MNAT1: variants seen among roughly 807,000 people sequenced by gnomAD.
MNAT1 encodes the protein MNAT1 component of CDK activating kinase.
A neutral mutation model predicts 42.0 loss-of-function variants in MNAT1; 43 were observed. The ratio of observed to expected loss-of-function variants is 1.02; its 90% CI spans 0.80 to 1.32. The LOEUF (loss-of-function observed/expected upper bound fraction) is 1.32. Among genes scored for constraint, MNAT1 ranks in the 40% most tolerant of loss-of-function variants. The pLI is 0.00. For synonymous variants in MNAT1, 118 were observed against 120.0 expected, an observed-to-expected ratio of 0.98 and a Z score of 0.11; for missense variants, 306 against 350.4, an observed-to-expected ratio of 0.87 and a Z score of 1.01.
At chr14:60,776,941 G>A (rs541502878) in intron 1 of MNAT1, among the ~76,000 whole-genome samples, 1,160 of 31,468 alleles carry the variant, frequency 0.037, 9 homozygotes, top group African/African-American at 0.055. Flanking sequence ...TTGACTTCCC[G>A]GGCTCAGGTG....
intron 1 of MNAT1, among the ~76,000 whole-genome samples, chr14:60,749,986 C>A (rs1468338169): frequency 6.6e-6 from 1 of 152,126 alleles, no homozygotes; most frequent in Admixed American, 6.6e-5. Context: ...CCAAAACTTA[C>A]CTCATCCTAA....
intron 6 of MNAT1, among the ~76,000 whole-genome samples, chr14:60,875,614 T>G (rs2034420689): frequency 6.6e-6 from 1 of 152,110 alleles, no homozygotes; most frequent in African/African-American, 2.4e-5. Context: ...TACAAAACCC[T>G]TTAGCATAGT....
intron 1 of MNAT1, chr14:60,779,838 G>T: frequency 1.6e-6 from 1 of 610,496 alleles, no homozygotes. Flanking sequence ...CTGCTAGAGT[G>T]AACTTACTCT....
chr14:60,841,059 T>G (rs967586093), intron 6 of MNAT1, among the ~76,000 whole-genome samples: 7 of 152,164 alleles, frequency 4.6e-5, no homozygotes, highest in African/African-American at 7.2e-5. Flanking sequence ...AGGCAGAATG[T>G]TTTGTAAATG....
At position 60,968,404 on chromosome 14, in the gene MNAT1, C is replaced by A; in HGVS notation, c.*55C>A. The A allele has an allele frequency of 6.3e-7, 1 of 1,583,600 alleles. No homozygotes were observed. The highest frequency in any genetic ancestry group is 8.6e-7 in the Non-Finnish European group (1 of 1,167,858). ...AACCAGGGAGCTAGCAAAAGTAAAGCAGACTTATAAAATTATAGCTATGTG... is the reference window on the plus strand; with the variant it reads ...AACCAGGGAGCTAGCAAAAGTAAAGAAGACTTATAAAATTATAGCTATGTG... On this transcript the variant is annotated 3_prime_UTR_variant, in exon 8 of 8. Transcript: ENST00000261245.
At chr14:60,854,250 C>G (rs1053614522) in intron 6 of MNAT1, among the ~76,000 whole-genome samples, 1 of 152,124 alleles carries the variant, frequency 6.6e-6, no homozygotes, top group East Asian at 1.9e-4. Flanking sequence ...AGAACGTGCT[C>G]CTTTAGCTCA....
intron 7 of MNAT1, among the ~76,000 whole-genome samples, chr14:60,947,177 G>C (rs1266453780): frequency 1.3e-5 from 2 of 152,092 alleles, no homozygotes; most frequent in Middle Eastern, 3.2e-3. Flanking sequence ...ATCGTTTTCA[G>C]ACTTTTTAAA....
intron 1 of MNAT1, among the ~76,000 whole-genome samples, chr14:60,776,156 G>A (rs915146268): frequency 1.3e-5 from 2 of 152,168 alleles, no homozygotes; most frequent in Non-Finnish European, 2.9e-5. Context: ...ATGCTGTAAT[G>A]TATGCTTGTG....
intron 6 of MNAT1, among the ~76,000 whole-genome samples, chr14:60,877,629 G>A (rs566006367): frequency 3.3e-4 from 50 of 152,086 alleles, no homozygotes; most frequent in Non-Finnish European, 6.0e-4. Context: ...ATGAAATAGA[G>A]AAATTGATAG....
At chr14:60,848,614 T>A (rs939410854) in intron 6 of MNAT1, among the ~76,000 whole-genome samples, 1 of 152,158 alleles carries the variant, frequency 6.6e-6, no homozygotes, top group Non-Finnish European at 1.5e-5. Flanking sequence ...TTTTTTTGTT[T>A]TACTTCATGT....
intron 7 of MNAT1, among the ~76,000 whole-genome samples, chr14:60,940,025 G>A (rs2036106574): frequency 6.6e-6 from 1 of 152,138 alleles, no homozygotes; most frequent in Non-Finnish European, 1.5e-5. Context: ...TTGGTTTAAA[G>A]TCTGTTTTAT....
rs1471639442 is a variant in MNAT1 at position 60,734,841 on chromosome 14, A to T, written c.-22A>T. 1 of 1,612,446 alleles carries T rather than the reference A, an allele frequency of 6.2e-7. No individual in the cohort carries two copies. The highest frequency in any genetic ancestry group is 2.2e-5 in the East Asian group (1 of 44,862). The stretch of plus-strand genomic sequence containing the variant: ...TCTGGCTGAAACAGGCGCCTGCGAG[A>T]GTCTGTAGGAGGGAAACCGCCATGG... On this transcript the variant is annotated 5_prime_UTR_variant, in exon 1 of 8. Coordinates refer to ENST00000261245, the MANE Select transcript of MNAT1 (RefSeq NM_002431.4). This position sits in a 1 kb window ranked among gnomAD's most constrained non-coding sequence, Gnocchi z 4.3.
At chr14:60,894,933 A>G (rs921177809) in intron 7 of MNAT1, among the ~76,000 whole-genome samples, 2 of 152,222 alleles carry the variant, frequency 1.3e-5, no homozygotes, top group Non-Finnish European at 2.9e-5. Flanking sequence ...TAAATAGTGA[A>G]GGAATTTAGA....
In MNAT1 at chr14:60,740,168, T is replaced by C. The variant is rs1175676988; in HGVS notation, c.89+5217T>C. ...AGACTCCATCTTAAAAAAAAATTAA[T>C]TTCTATCCCAACCATTCTTGGCAAA... On this transcript the variant is annotated intron_variant, in intron 1 of 7. Coordinates refer to ENST00000261245, the MANE Select transcript of MNAT1 (RefSeq NM_002431.4). This position sits in a 1 kb window ranked among gnomAD's most constrained non-coding sequence, Gnocchi z 4.1. Among the ~76,000 whole-genome samples the C allele has an allele frequency of 6.6e-6, 1 of 152,032 alleles. No individual in the cohort carries two copies. Among genetic ancestry groups the C allele is most frequent in the African/African-American group, 2.4e-5 (1 of 41,420 alleles).
At position 60,823,389 on chromosome 14, in the gene MNAT1, G is replaced by T. The variant is rs964976777; in HGVS notation, c.687+4542G>T. Among the ~76,000 whole-genome samples, 5 of 152,072 alleles carry T rather than the reference G, an allele frequency of 3.3e-5. No homozygotes were observed. In the East Asian group the frequency reaches 5.8e-4, roughly 18 times the overall value. Reference sequence around the variant, plus strand: ...TGAAGGGGTATCTTACCCTGAGTTTGTTTGTAATAATGTTTAACATTCTGC... The same window carrying T: ...TGAAGGGGTATCTTACCCTGAGTTTTTTTGTAATAATGTTTAACATTCTGC... On this transcript the variant is annotated intron_variant, in intron 6 of 7. Transcript: ENST00000261245.
At position 60,734,775 on chromosome 14, in the gene MNAT1, A is replaced by G. The variant is rs950253137; in HGVS notation, c.-88A>G. 9.0e-6 allele frequency: 11 copies of G among 1,225,516 alleles called. No individual in the cohort carries two copies. In the Admixed American group the frequency reaches 1.1e-4, roughly 12 times the overall value. 75.9% of individuals were successfully genotyped at this position (1,225,516 alleles called of 1,614,324 possible). On this transcript the variant is annotated 5_prime_UTR_variant, in exon 1 of 8. Coordinates refer to ENST00000261245, the MANE Select transcript of MNAT1 (RefSeq NM_002431.4). The surrounding 1 kb of genome is among the most constrained non-coding windows in gnomAD (Gnocchi z 4.3). Reference sequence around the variant, plus strand: ...CCGTCTCTGCCAAGCGCCTGTTGGTAGGAACCTGCTTGGTCGCGTCTGAGG... The same window carrying G: ...CCGTCTCTGCCAAGCGCCTGTTGGTGGGAACCTGCTTGGTCGCGTCTGAGG...
chr14:60,807,306 T>A (rs558780762), intron 3 of MNAT1, among the ~76,000 whole-genome samples: 48 of 152,274 alleles, frequency 3.2e-4, no homozygotes, highest in Non-Finnish European at 5.7e-4. Context: ...TCAACTCTTA[T>A]AAGCTATTAA....
At position 60,746,163 on chromosome 14, in the gene MNAT1, A is replaced by G. The variant is rs142390879; in HGVS notation, c.89+11212A>G. Among the ~76,000 whole-genome samples, 292 of 152,306 alleles carry G rather than the reference A, an allele frequency of 1.9e-3. 1 individual carries two copies. Among genetic ancestry groups the G allele is most frequent in the African/African-American group, 6.6e-3 (273 of 41,560 alleles). ...TTAACTTTGGTTTGTTCACTTGTTT[A>G]TAATAGGTAACATCCAGCCCCCTGA... is the stretch of plus-strand genomic sequence containing the variant. On this transcript the variant is annotated intron_variant, in intron 1 of 7. Coordinates refer to ENST00000261245, the MANE Select transcript of MNAT1 (RefSeq NM_002431.4).
Position 60,929,189 on chromosome 14 carries a change from AT to A in MNAT1, c.810-39039del, listed in dbSNP as rs1428419610. 7.7e-5 allele frequency among the ~76,000 whole-genome samples: 11 copies of A among 142,990 alleles called. No individual in the cohort carries two copies. In the East Asian group the frequency reaches 1.6e-3, roughly 21 times the overall value. 93.8% of individuals were successfully genotyped at this position (142,990 alleles called of 152,430 possible). A position where few individuals can be genotyped will look rare whatever the true frequency, so the allele number is the denominator to read the frequency against. On this transcript the variant is annotated intron_variant, in intron 7 of 7. Transcript: ENST00000261245. ...AAAAAAAATATATATATATATATATATATATGTATATTTATATTTTGTAAAT... is the reference window on the plus strand; with the variant it reads ...AAAAAAAATATATATATATATATATAATATGTATATTTATATTTTGTAAAT...
Sources: gnomAD v4.1 joint callset for allele counts (sites outside exome capture counted in the v4.1 genomes callset) on GRCh38, gnomAD v4.1.1 for gene constraint, Gnocchi (gnomAD v3.1) non-coding constraint, MANE v1.5 for transcripts, NCBI Gene and HGNC (gene_info 2026-07-23, HGNC 2026-07-21) for gene names.